The following PCDH7 variants were observed in gnomAD, a reference collection of about 807,000 sequenced individuals.
The protein encoded by PCDH7 is protocadherin 7, also known as protocadherin-7.
In PCDH7, 17 loss-of-function variants were observed where a neutral mutation model predicts 58.9. That is an observed-to-expected ratio of 0.29 (90% confidence interval 0.20 to 0.43). PCDH7 has a LOEUF of 0.43. Ranked by LOEUF, PCDH7 falls within the 20% of genes least tolerant of loss-of-function variation. The pLI, the probability that PCDH7 is intolerant of heterozygous loss-of-function variation, is 1.00. For synonymous variants in PCDH7, 664 were observed against 616.4 expected, an observed-to-expected ratio of 1.08 and a Z score of -1.14; for missense variants, 1,274 against 1,441.0, an observed-to-expected ratio of 0.88 and a Z score of 1.88.
intron 3 of PCDH7, among the ~76,000 whole-genome samples, chr4:31,017,861 T>C (rs1753738919): frequency 6.6e-6 from 1 of 152,190 alleles, no homozygotes; most frequent in African/African-American, 2.4e-5. Flanking sequence ...ATGGCAGCAT[T>C]CAAGTGGCAT....
chr4:30,758,818 A>C (rs2109266347), intron 1 of PCDH7, among the ~76,000 whole-genome samples: 1 of 152,180 alleles, frequency 6.6e-6, no homozygotes, highest in Admixed American at 6.5e-5. Context: ...ATAATAAATT[A>C]TTGATGCAGT....
chr4:31,031,632 A>T (rs1250666949), intron 3 of PCDH7, among the ~76,000 whole-genome samples: 1 of 151,062 alleles, frequency 6.6e-6, no homozygotes, highest in Non-Finnish European at 1.5e-5. Flanking sequence ...ATTTCACTGG[A>T]TGTAATGCAA....
intron 1 of PCDH7, among the ~76,000 whole-genome samples, chr4:30,889,335 C>A (rs933743229): frequency 6.7e-6 from 1 of 148,798 alleles, no homozygotes; most frequent in Non-Finnish European, 1.5e-5. Context: ...GGTTTTGTTA[C>A]AAAAATAATA....
At chr4:30,904,412 T>C (rs1389492213) in intron 1 of PCDH7, among the ~76,000 whole-genome samples, 1 of 152,142 alleles carries the variant, frequency 6.6e-6, no homozygotes, top group Non-Finnish European at 1.5e-5. Context: ...CTGACCTTCT[T>C]TTCTGTCTCC....
At chr4:30,845,900 T>A (rs1280936092) in intron 1 of PCDH7, among the ~76,000 whole-genome samples, 5 of 152,208 alleles carry the variant, frequency 3.3e-5, no homozygotes, top group African/African-American at 1.2e-4. Flanking sequence ...GCCTCTCTAT[T>A]CTTATTTGAA....
At chr4:30,849,818 A>G (rs1732479598) in intron 1 of PCDH7, among the ~76,000 whole-genome samples, 2 of 152,086 alleles carry the variant, frequency 1.3e-5, no homozygotes, top group Admixed American at 1.3e-4. Flanking sequence ...AATCCAAGGC[A>G]GAATAGGTTC....
intron 1 of PCDH7, among the ~76,000 whole-genome samples, chr4:30,769,933 T>C (rs1344266892): frequency 6.6e-6 from 1 of 152,260 alleles, no homozygotes; most frequent in Non-Finnish European, 1.5e-5. Context: ...CTTGATCCTT[T>C]GTGCTTTGCA....
chr4:31,083,260 AT>A (rs993126967), intron 3 of PCDH7, among the ~76,000 whole-genome samples: 23 of 152,168 alleles, frequency 1.5e-4, no homozygotes, highest in Non-Finnish European at 2.8e-4. Flanking sequence ...TTGAAATAAA[AT>A]TTTTTTAAAG....
intron 3 of PCDH7, among the ~76,000 whole-genome samples, chr4:30,969,877 C>T (rs1277005932): frequency 6.6e-6 from 1 of 152,152 alleles, no homozygotes; most frequent in African/African-American, 2.4e-5. Context: ...AATTATCTTA[C>T]TAAGCCTCTC....
intron 3 of PCDH7, among the ~76,000 whole-genome samples, chr4:31,065,584 A>G (rs888681044): frequency 2.6e-5 from 4 of 152,012 alleles, no homozygotes; most frequent in East Asian, 1.9e-4. Context: ...AATAAGTGGC[A>G]TTAGAGAGAA....
At chr4:30,745,617 C>A (rs536401324) in intron 1 of PCDH7, among the ~76,000 whole-genome samples, 1 of 151,940 alleles carries the variant, frequency 6.6e-6, no homozygotes, top group African/African-American at 2.4e-5. Flanking sequence ...GCAAAACAAT[C>A]CTGGTCGACT....
intron 1 of PCDH7, among the ~76,000 whole-genome samples, chr4:30,913,979 G>A (rs768107516): frequency 1.3e-5 from 2 of 151,974 alleles, no homozygotes; most frequent in African/African-American, 4.8e-5. Context: ...CACTGTAATC[G>A]CACACCCCTT....
At chr4:31,126,009 G>A (rs552102644) in intron 3 of PCDH7, among the ~76,000 whole-genome samples, 2 of 152,216 alleles carry the variant, frequency 1.3e-5, no homozygotes, top group East Asian at 3.9e-4. Flanking sequence ...CTGCCACTCA[G>A]CAGATGCAAG....
intron 1 of PCDH7, among the ~76,000 whole-genome samples, chr4:30,784,790 A>G (rs1003477610): frequency 2.6e-4 from 39 of 152,110 alleles, no homozygotes; most frequent in Middle Eastern, 3.4e-3. Context: ...AGAGATGGGG[A>G]AAAAAAGGGG....
rs962111218 is a variant in PCDH7 at position 30,720,438 on chromosome 4, G to C, written c.-985G>C. The C allele has an allele frequency of 6.5e-6, 1 of 152,780 alleles. No homozygotes were observed. Among genetic ancestry groups the C allele is most frequent in the Non-Finnish European group, 1.5e-5 (1 of 68,126 alleles). 9.5% of individuals were successfully genotyped at this position (152,780 alleles called of 1,614,324 possible). On this transcript the variant is annotated 5_prime_UTR_variant, in exon 1 of 2. Coordinates refer to ENST00000361762, the Ensembl canonical transcript of PCDH7. This position sits in a 1 kb window ranked among gnomAD's most constrained non-coding sequence, Gnocchi z 4.7. ...CCGAATGCAGGTGAGAAAAGGCACG[G>C]ACTCTGCGGCTGCGAACCCAAACTT...
chr4:30,748,478 A>G (rs949716963), intron 1 of PCDH7, among the ~76,000 whole-genome samples: 24 of 152,304 alleles, frequency 1.6e-4, no homozygotes, highest in Admixed American at 7.9e-4. Flanking sequence ...GTGAGTGAGC[A>G]CATTAGACAG....
chr4:30,772,992 C>A (rs189649831), intron 1 of PCDH7, among the ~76,000 whole-genome samples: 26 of 152,286 alleles, frequency 1.7e-4, no homozygotes, highest in African/African-American at 6.0e-4. Flanking sequence ...ACCTCTGTCT[C>A]CCAGGTTCAA....
intron 3 of PCDH7, among the ~76,000 whole-genome samples, chr4:31,048,542 G>A (rs1006110412): frequency 6.6e-6 from 1 of 152,034 alleles, no homozygotes; most frequent in Non-Finnish European, 1.5e-5. Flanking sequence ...TACTTTGCAG[G>A]CTTTCTATTC....
At chr4:31,037,379 A>G (rs932626516) in intron 3 of PCDH7, among the ~76,000 whole-genome samples, 1 of 152,152 alleles carries the variant, frequency 6.6e-6, no homozygotes, top group Non-Finnish European at 1.5e-5. Context: ...TTACTTGCTA[A>G]TATTGCCATT....
Sources: gnomAD v4.1 joint callset for allele counts (sites outside exome capture counted in the v4.1 genomes callset) on GRCh38, gnomAD v4.1.1 for gene constraint, Gnocchi (gnomAD v3.1) non-coding constraint, MANE v1.5 for transcripts, NCBI Gene and HGNC (gene_info 2026-07-23, HGNC 2026-07-21) for gene names.